PCDHA6: variants seen among roughly 807,000 people sequenced by gnomAD.
PCDHA6 encodes protocadherin alpha-6.
PCDHA6 carries 55 observed loss-of-function variants against 60.3 expected under a neutral mutation model. The ratio of observed to expected loss-of-function variants is 0.91; its 90% CI spans 0.73 to 1.14. The LOEUF (loss-of-function observed/expected upper bound fraction) is 1.14. Among genes scored for constraint, PCDHA6 ranks in the 50% most tolerant of loss-of-function variants. The probability of loss-of-function intolerance (pLI) is 0.00; values close to 1 mark genes in which losing one functional copy is unlikely to be tolerated. For missense variants in PCDHA6, 1,327 were observed against 1,256.5 expected (o/e 1.06, Z -0.85); for synonymous variants, 652 against 557.9 (o/e 1.17, Z -2.38).
In PCDHA6 at chr5:140,883,892, G is replaced by C; in HGVS notation, c.2394+53407G>C. ...CCAGGTGAGCGCGCGCGACTCTGGC[G>C]TGCCGCCTCTGGGCAGCAACGTGAC... On this transcript the variant is annotated intron_variant, in intron 1 of 3. Transcript: ENST00000529310. 4 of 1,613,362 alleles carry C rather than the reference G, an allele frequency of 2.5e-6. No homozygotes were observed. The South Asian group carries it at 4.4e-5, about 18-fold the overall frequency.
chr5:140,828,420 T>C lies in PCDHA6; in HGVS notation c.329T>C (p.Val110Ala), dbSNP rs1554131299. 1.2e-6 allele frequency: 2 copies of C among 1,614,068 alleles called. No homozygotes were observed. The change falls in exon 1 of 4, where the codon GTG becomes GCG. Residue 110 changes from valine to alanine, a missense_variant. By Grantham distance (64) the Val-to-Ala change is moderately conservative (BLOSUM62 0). Coordinates refer to ENST00000529310, the MANE Select transcript of PCDHA6 (RefSeq NM_018909.4). ...AECSIHLEVI[V>A]DRPLQVFHVD... ...TGCAGCATCCACCTGGAGGTGATCGTGGACAGGCCGCTGCAGGTTTTCCAT... is the reference window on the plus strand; with the variant it reads ...TGCAGCATCCACCTGGAGGTGATCGCGGACAGGCCGCTGCAGGTTTTCCAT...
chr5:140,879,761 G>A (rs2058106657), intron 1 of PCDHA6, among the ~76,000 whole-genome samples: 1 of 152,152 alleles, frequency 6.6e-6, no homozygotes, highest in South Asian at 2.1e-4. Flanking sequence ...TACTCTCTTT[G>A]GAGGCCCCAG....
At chr5:140,910,479 A>G (rs2075041093) in intron 1 of PCDHA6, among the ~76,000 whole-genome samples, 1 of 152,212 alleles carries the variant, frequency 6.6e-6, no homozygotes. Context: ...AAAATCTGGC[A>G]TACAGAGAAG....
intron 1 of PCDHA6, 23 bp downstream of exon 1, chr5:140,830,508 C>G: frequency 7.1e-7 from 1 of 1,415,164 alleles, no homozygotes; most frequent in African/African-American, 1.4e-5. Context: ...TCATAATTAA[C>G]AGTTAATTTT....
intron 3 of PCDHA6, among the ~76,000 whole-genome samples, chr5:140,990,912 A>G (rs1415853627): frequency 1.3e-5 from 2 of 152,148 alleles, no homozygotes; most frequent in African/African-American, 4.8e-5. Context: ...CAAGTTTTAT[A>G]AGTCTTTAAA....
chr5:141,005,584 C>T (rs1307831783), intron 3 of PCDHA6, among the ~76,000 whole-genome samples: 2 of 151,062 alleles, frequency 1.3e-5, no homozygotes, highest in Non-Finnish European at 2.9e-5. Context: ...TGCCTGTAGT[C>T]CCAGCTACAC....
chr5:140,833,447 A>G lies in PCDHA6; in HGVS notation c.2394+2962A>G, dbSNP rs2150208593. On this transcript the variant is annotated intron_variant, in intron 1 of 3. Transcript: ENST00000529310. ...GATGGCTGAGCACTGAAATTTATCT[A>G]ATAAAATAAACTTACATTTTAAAAG... Among the ~76,000 whole-genome samples, 6 of 152,344 alleles carry G rather than the reference A, an allele frequency of 3.9e-5. No homozygotes were observed. The East Asian group carries it at 1.2e-3, about 29-fold the overall frequency.
chr5:140,849,469 A>T, intron 1 of PCDHA6: 1 of 1,589,622 alleles, frequency 6.3e-7, no homozygotes. Context: ...GCTGTCGATA[A>T]AGGCTTCCCA....
chr5:140,936,275 T>C (rs1423652397), intron 1 of PCDHA6, among the ~76,000 whole-genome samples: 1 of 152,216 alleles, frequency 6.6e-6, no homozygotes, highest in African/African-American at 2.4e-5. Context: ...TATATTCCTG[T>C]GTTTTCTTCT....
chr5:140,828,597 C>A lies in PCDHA6; in HGVS notation c.506C>A (p.Thr169Asn), dbSNP rs1365615001. 16 of 1,614,084 alleles carry A rather than the reference C, an allele frequency of 9.9e-6. No individual in the cohort carries two copies. Among genetic ancestry groups the A allele is most frequent in the Non-Finnish European group, 1.4e-5 (16 of 1,180,058 alleles). Residue 169 changes from threonine (T) to asparagine (N), a missense_variant, in exon 1 of 4, where the codon ACC (threonine) becomes AAC (asparagine). Coordinates refer to ENST00000529310, the MANE Select transcript of PCDHA6 (RefSeq NM_018909.4). ...DADVGSNSIL[T>N]YKLSSSEYFG... ...GATGTTGGCTCAAATTCCATCTTAACCTATAAACTCAGTTCTAGCGAATAC... is the reference window on the plus strand; with the variant it reads ...GATGTTGGCTCAAATTCCATCTTAAACTATAAACTCAGTTCTAGCGAATAC...
At chr5:140,938,209 G>C (rs1210350140) in intron 1 of PCDHA6, among the ~76,000 whole-genome samples, 1 of 152,160 alleles carries the variant, frequency 6.6e-6, no homozygotes, top group Admixed American at 6.5e-5. Flanking sequence ...GCCTCCCAAA[G>C]TGCTGGGATT....
At chr5:140,863,723 G>A (rs1013591731) in intron 1 of PCDHA6, 3 of 271,432 alleles carry the variant, frequency 1.1e-5, no homozygotes, top group African/African-American at 4.4e-5. Context: ...GGCCGGGTGC[G>A]GTAGCTCATG....
intron 1 of PCDHA6, chr5:140,857,943 C>G: frequency 6.3e-7 from 1 of 1,597,460 alleles, no homozygotes. Context: ...GAGATCAGTA[C>G]GACGCGCGCT....
At chr5:140,967,547 A>G (rs1554229662) in intron 1 of PCDHA6, 1 of 1,613,890 alleles carries the variant, frequency 6.2e-7, no homozygotes, top group Non-Finnish European at 8.5e-7. Context: ...TGACCAGTCC[A>G]CTTATCGCGT....
At chr5:140,968,283 A>G in intron 1 of PCDHA6, 1 of 1,613,726 alleles carries the variant, frequency 6.2e-7, no homozygotes, top group Non-Finnish European at 8.5e-7. Flanking sequence ...GAGGTGACCT[A>G]CTCCCTTCTG....
At chr5:140,890,875 T>G (rs189226344) in intron 1 of PCDHA6, among the ~76,000 whole-genome samples, 106 of 152,318 alleles carry the variant, frequency 7.0e-4, no homozygotes, top group Non-Finnish European at 1.3e-3. Flanking sequence ...CCCTCTGACC[T>G]TTCATCAGGG....
intron 1 of PCDHA6, among the ~76,000 whole-genome samples, chr5:140,901,060 AT>A (rs542927280): frequency 1.3e-5 from 2 of 151,130 alleles, no homozygotes; most frequent in East Asian, 3.9e-4. Flanking sequence ...AGATTATTAG[AT>A]TTTTTTTTCT....
intron 1 of PCDHA6, among the ~76,000 whole-genome samples, chr5:140,965,537 A>T (rs528440377): frequency 1.3e-5 from 2 of 152,204 alleles, no homozygotes; most frequent in East Asian, 3.9e-4. Context: ...ATGGAATCCA[A>T]ATTCCAGCCT....
chr5:140,968,301 A>G (rs886575781), intron 1 of PCDHA6: 9 of 1,613,914 alleles, frequency 5.6e-6, no homozygotes, highest in Non-Finnish European at 7.6e-6. Flanking sequence ...CTGGAGAGGG[A>G]GATTCAAGGG....
Sources: gnomAD v4.1 joint callset for allele counts (sites outside exome capture counted in the v4.1 genomes callset) on GRCh38, gnomAD v4.1.1 for gene constraint, MANE v1.5 for transcripts, NCBI Gene and HGNC (gene_info 2026-07-23, HGNC 2026-07-21) for gene names.